CADM2: variants seen among roughly 807,000 people sequenced by gnomAD.
The protein encoded by CADM2 is immunoglobulin superfamily member 4D.
A neutral mutation model predicts 49.8 loss-of-function variants in CADM2; 12 were observed. That is an observed-to-expected ratio of 0.24 (90% CI 0.15 to 0.39). CADM2 has a LOEUF of 0.39. Ranked by LOEUF, CADM2 falls within the 10% of genes least tolerant of loss-of-function variation. The pLI is 1.00. For missense variants in CADM2, 378 were observed against 492.3 expected, an observed-to-expected ratio of 0.77 and a Z score of 2.20; for synonymous variants, 214 against 175.4, an observed-to-expected ratio of 1.22 and a Z score of -1.74.
chr3:85,331,973 C>A (rs188513814), intron 1 of CADM2, among the ~76,000 whole-genome samples: 1 of 152,056 alleles, frequency 6.6e-6, no homozygotes, highest in African/African-American at 2.4e-5. Context: ...GAGAGCAGTA[C>A]AAAAGGTCAA....
At chr3:85,674,670 T>G (rs914969100) in intron 1 of CADM2, among the ~76,000 whole-genome samples, 1 of 152,188 alleles carries the variant, frequency 6.6e-6, no homozygotes, top group African/African-American at 2.4e-5. Context: ...TATCATGGTC[T>G]GTGAATGATA....
At chr3:85,078,757 C>T (rs1434817781) in intron 1 of CADM2, among the ~76,000 whole-genome samples, 1 of 151,456 alleles carries the variant, frequency 6.6e-6, no homozygotes, top group Non-Finnish European at 1.5e-5. Flanking sequence ...CCCCATTGAG[C>T]ATGTTCAAGT....
At chr3:85,970,028 C>T (rs1297592288) in intron 8 of CADM2, among the ~76,000 whole-genome samples, 1 of 147,396 alleles carries the variant, frequency 6.8e-6, no homozygotes. Flanking sequence ...GCCTTGACTT[C>T]TGGATAAAAT....
At chr3:85,382,890 C>T (rs189282302) in intron 1 of CADM2, among the ~76,000 whole-genome samples, 13 of 152,244 alleles carry the variant, frequency 8.5e-5, no homozygotes, top group Admixed American at 2.6e-4. Context: ...CCAACACTTA[C>T]GAGTGCTGTT....
At chr3:85,883,201 A>C in intron 3 of CADM2, 90 bp from the exon 4 acceptor site, 1 of 995,152 alleles carries the variant, frequency 1.0e-6, no homozygotes, top group East Asian at 2.8e-5. Flanking sequence ...CAAAGAAAAC[A>C]TTTATTGTAT....
intron 5 of CADM2, among the ~76,000 whole-genome samples, chr3:85,899,453 G>T (rs1374988243): frequency 6.6e-6 from 1 of 151,882 alleles, no homozygotes; most frequent in Non-Finnish European, 1.5e-5. Context: ...AATTATTTTC[G>T]GGTCAGTTTC....
At chr3:85,561,705 A>G (rs60541362) in intron 1 of CADM2, among the ~76,000 whole-genome samples, 90,363 of 151,966 alleles carry the variant, frequency 0.59, 28,357 homozygotes, top group East Asian at 0.93. Context: ...GTGAACAAAA[A>G]CATCTGTTCA....
chr3:85,261,884 T>G (rs1338294416), intron 1 of CADM2, among the ~76,000 whole-genome samples: 1 of 152,146 alleles, frequency 6.6e-6, no homozygotes, highest in East Asian at 1.9e-4. Context: ...AATCTGTATT[T>G]CCACGTTCTT....
chr3:85,141,460 T>C (rs1305706997), intron 1 of CADM2, among the ~76,000 whole-genome samples: 1 of 152,160 alleles, frequency 6.6e-6, no homozygotes, highest in Admixed American at 6.5e-5. Flanking sequence ...GTAGTGATAG[T>C]AGTGGTTTTA....
intron 1 of CADM2, among the ~76,000 whole-genome samples, chr3:85,240,080 G>T (rs2042495074): frequency 6.6e-6 from 1 of 151,170 alleles, no homozygotes; most frequent in Admixed American, 6.6e-5. Flanking sequence ...CCTTTGGTTT[G>T]GTATCATTCA....
intron 1 of CADM2, among the ~76,000 whole-genome samples, chr3:85,013,498 G>A (rs866431824): frequency 6.6e-6 from 1 of 151,854 alleles, no homozygotes; most frequent in Middle Eastern, 3.4e-3. Flanking sequence ...TAGAGGTAAG[G>A]GGTTGTAAGC....
At chr3:85,397,610 A>G (rs1174277317) in intron 1 of CADM2, among the ~76,000 whole-genome samples, 1 of 152,232 alleles carries the variant, frequency 6.6e-6, no homozygotes, top group Non-Finnish European at 1.5e-5. Flanking sequence ...CTATTATGCT[A>G]AGTGAAATAA....
chr3:85,747,244 T>C (rs549081032), intron 2 of CADM2, among the ~76,000 whole-genome samples: 28 of 152,254 alleles, frequency 1.8e-4, no homozygotes, highest in African/African-American at 6.5e-4. Context: ...TACTCATGCA[T>C]TCTTCATCTA....
At chr3:85,705,629 G>A (rs1166079950) in intron 1 of CADM2, among the ~76,000 whole-genome samples, 2 of 152,118 alleles carry the variant, frequency 1.3e-5, no homozygotes, top group African/African-American at 4.8e-5. Context: ...CTAATTATAA[G>A]TTCTGTGGGC....
chr3:86,003,088 T>C (rs560762152), intron 8 of CADM2, among the ~76,000 whole-genome samples: 63 of 152,178 alleles, frequency 4.1e-4, no homozygotes, highest in Admixed American at 9.2e-4. Context: ...AGAGATAGTA[T>C]CCTCCTCCTT....
intron 1 of CADM2, among the ~76,000 whole-genome samples, chr3:85,315,788 G>T (rs1161435187): frequency 1.3e-5 from 2 of 152,068 alleles, no homozygotes; most frequent in African/African-American, 4.8e-5. Context: ...TGGGAAAGCT[G>T]TAATTTTTGG....
At chr3:85,112,530 T>A (rs1287180565) in intron 1 of CADM2, among the ~76,000 whole-genome samples, 1 of 151,926 alleles carries the variant, frequency 6.6e-6, no homozygotes, top group Admixed American at 6.6e-5. Flanking sequence ...CACTGCTATA[T>A]GATTTCACCC....
At chr3:85,679,888 G>A (rs1280807940) in intron 1 of CADM2, among the ~76,000 whole-genome samples, 1 of 152,094 alleles carries the variant, frequency 6.6e-6, no homozygotes, top group African/African-American at 2.4e-5. Flanking sequence ...TTAGTCAATT[G>A]TTTAAAGAGT....
chr3:85,478,624 G>A lies in CADM2; in HGVS notation c.62-247898G>A, dbSNP rs188377113. ...AAGCAACCCAGGGAATTTAATTATT[G>A]CAGAAACAAGTTTAATAAGGGATGA... On this transcript the variant is annotated intron_variant, in intron 1 of 9. Coordinates refer to ENST00000383699, the MANE Select transcript of CADM2 (RefSeq NM_001167675.2). Among the ~76,000 whole-genome samples the A allele has an allele frequency of 1.1e-3, 168 of 151,968 alleles. 2 individuals are homozygous for A. Among genetic ancestry groups the A allele is most frequent in the African/African-American group, 3.9e-3 (160 of 41,500 alleles).
Sources: gnomAD v4.1 joint callset for allele counts (sites outside exome capture counted in the v4.1 genomes callset) on GRCh38, gnomAD v4.1.1 for gene constraint, MANE v1.5 for transcripts, NCBI Gene and HGNC (gene_info 2026-07-23, HGNC 2026-07-21) for gene names.